The following DCC variants were observed in gnomAD, a reference collection of about 807,000 sequenced individuals.
DCC encodes DCC netrin 1 receptor, also known as netrin receptor DCC.
DCC carries 58 observed loss-of-function variants against 172.5 expected under a neutral mutation model. The observed-to-expected ratio is 0.34, with a 90% CI of 0.27 to 0.42. DCC has a LOEUF of 0.42. Among genes scored for constraint, DCC ranks in the 10% least tolerant of loss-of-function variants. The probability of loss-of-function intolerance (pLI) is 1.00; values close to 1 mark genes in which losing one functional copy is unlikely to be tolerated. For missense variants in DCC, 1,740 were observed against 1,791.0 expected (o/e 0.97, Z 0.51); for synonymous variants, 709 against 644.5 (o/e 1.10, Z -1.52).
intron 2 of DCC, among the ~76,000 whole-genome samples, chr18:52,785,169 CA>C (rs1445998796): frequency 2.0e-5 from 3 of 151,998 alleles, no homozygotes; most frequent in Admixed American, 6.6e-5. Context: ...TGTTGATTGA[CA>C]CCAGTAAGAT....
At chr18:52,350,109 T>C (rs1984052454) in intron 1 of DCC, among the ~76,000 whole-genome samples, 1 of 152,180 alleles carries the variant, frequency 6.6e-6, no homozygotes, top group South Asian at 2.1e-4. Flanking sequence ...AGTATTTCAT[T>C]GAAGATAGTA....
At chr18:52,698,826 G>C (rs990516583) in intron 1 of DCC, among the ~76,000 whole-genome samples, 4 of 147,998 alleles carry the variant, frequency 2.7e-5, no homozygotes, top group African/African-American at 1.0e-4. Context: ...GGCCAGGCTA[G>C]TCTCAAACTC....
At chr18:52,361,672 GC>G (rs1598861654) in intron 1 of DCC, among the ~76,000 whole-genome samples, 1 of 152,150 alleles carries the variant, frequency 6.6e-6, no homozygotes, top group East Asian at 1.9e-4. Flanking sequence ...AGAAACTCAG[GC>G]TTCATCCAAA....
At chr18:53,484,307 G>C (rs1216611868) in intron 25 of DCC, among the ~76,000 whole-genome samples, 6 of 151,424 alleles carry the variant, frequency 4.0e-5, no homozygotes, top group Non-Finnish European at 8.9e-5. Flanking sequence ...AAATTTATCA[G>C]CAATTTTAAA....
chr18:52,930,039 G>A (rs890549819), intron 5 of DCC, among the ~76,000 whole-genome samples: 4 of 151,846 alleles, frequency 2.6e-5, no homozygotes, highest in Non-Finnish European at 4.4e-5. Context: ...CCTTGAGTTC[G>A]TGGTGTCAGA....
At chr18:53,510,941 C>T (rs1025351595) in intron 27 of DCC, among the ~76,000 whole-genome samples, 4 of 152,164 alleles carry the variant, frequency 2.6e-5, no homozygotes, top group African/African-American at 7.2e-5. Context: ...CAAAGCCTAC[C>T]TTGTAGAATT....
At position 53,362,667 on chromosome 18, in the gene DCC, G is replaced by T. The variant is rs192998290; in HGVS notation, c.2359+22760G>T. 1.9e-3 allele frequency among the ~76,000 whole-genome samples: 291 copies of T among 152,068 alleles called. 2 individuals carry two copies. Among genetic ancestry groups the T allele is most frequent in the Non-Finnish European group, 2.6e-3 (179 of 67,990 alleles). On this transcript the variant is annotated intron_variant, in intron 15 of 28. Coordinates refer to ENST00000442544, the MANE Select transcript of DCC (RefSeq NM_005215.4). Reference sequence around the variant, plus strand: ...TTTTTTTTTCTTCTTTTCTGAATAGGCTATCATCATCAACATTTTAAACTG... The same window carrying T: ...TTTTTTTTTCTTCTTTTCTGAATAGTCTATCATCATCAACATTTTAAACTG...
chr18:53,529,046 A>T lies in DCC; in HGVS notation c.4255-1518A>T, dbSNP rs962132767. On this transcript the variant is annotated intron_variant, in intron 28 of 28. Coordinates refer to ENST00000442544, the MANE Select transcript of DCC (RefSeq NM_005215.4). ...CTCTCTCTCTCTCTCTCTCACACAC[A>T]CACACACACACACACACACACACAC... Among the ~76,000 whole-genome samples the T allele has an allele frequency of 5.8e-3, 574 of 99,798 alleles. 2 individuals carry two copies. Among genetic ancestry groups the T allele is most frequent in the Middle Eastern group, 0.022 (4 of 186 alleles). The allele number at this position is 99,798 out of a possible 152,430, so 65.5% of individuals were successfully genotyped here.
At chr18:52,501,175 C>G (rs1307457161) in intron 1 of DCC, among the ~76,000 whole-genome samples, 2 of 152,194 alleles carry the variant, frequency 1.3e-5, no homozygotes, top group Middle Eastern at 3.4e-3. Context: ...TTCTGTACAG[C>G]CAAGTGCATG....
intron 7 of DCC, among the ~76,000 whole-genome samples, chr18:53,155,162 GATA>G (rs1279418836): frequency 1.3e-5 from 2 of 151,090 alleles, no homozygotes; most frequent in East Asian, 3.9e-4. Flanking sequence ...ATTGTATATC[GATA>G]ATGTTTCTGG....
chr18:53,397,218 T>G, intron 17 of DCC, 90 bp from the exon 18 acceptor site: 1 of 1,253,062 alleles, frequency 8.0e-7, no homozygotes, highest in South Asian at 1.2e-5. Context: ...TACTTTTGTG[T>G]TAGCTTATTT....
At position 52,957,937 on chromosome 18, in the gene DCC, C is replaced by A. The variant is rs1361298938; in HGVS notation, c.985+32567C>A. ...CAGATGAGCATTTTACATGACTGTG[C>A]CTGCTTTAGCACAGATTGGGAGAAG... On this transcript the variant is annotated intron_variant, in intron 5 of 28. Transcript: ENST00000442544. Among the ~76,000 whole-genome samples, 4 of 152,226 alleles carry A rather than the reference C, an allele frequency of 2.6e-5. No individual in the cohort carries two copies. In the East Asian group the frequency reaches 7.7e-4, roughly 29 times the overall value.
At chr18:52,883,754 C>A (rs114429977) in intron 2 of DCC, among the ~76,000 whole-genome samples, 2,620 of 151,928 alleles carry the variant, frequency 0.017, 56 homozygotes, top group African/African-American at 0.046. Context: ...ACAATTACAG[C>A]GTTATAATAT....
intron 1 of DCC, among the ~76,000 whole-genome samples, chr18:52,426,390 C>T (rs1382427856): frequency 2.0e-5 from 3 of 151,174 alleles, no homozygotes; most frequent in Non-Finnish European, 4.4e-5. Context: ...TTCCTTTTCC[C>T]TTTGTAAACT....
chr18:52,842,418 A>G (rs1451263532), intron 2 of DCC, among the ~76,000 whole-genome samples: 2 of 152,150 alleles, frequency 1.3e-5, no homozygotes, highest in Admixed American at 1.3e-4. Context: ...TTGATGTACC[A>G]ACTTGTCAGT....
At chr18:52,342,464 TG>T (rs1338855313) in intron 1 of DCC, among the ~76,000 whole-genome samples, 3 of 4,004 alleles carry the variant, frequency 7.5e-4, no homozygotes, top group South Asian at 6.8e-3. Context: ...TGGGTGGGGG[TG>T]GGGGGGTGGG....
chr18:53,515,715 TA>T (rs1290618240), intron 27 of DCC, among the ~76,000 whole-genome samples: 2 of 150,552 alleles, frequency 1.3e-5, no homozygotes, highest in African/African-American at 4.9e-5. Flanking sequence ...TCAAAGAGAA[TA>T]AAATACCCAG....
At chr18:53,452,378 G>T (rs1179544593) in intron 23 of DCC, among the ~76,000 whole-genome samples, 1 of 151,992 alleles carries the variant, frequency 6.6e-6, no homozygotes, top group Non-Finnish European at 1.5e-5. Context: ...TTTTGATTTG[G>T]GTTCCCCCCC....
intron 12 of DCC, among the ~76,000 whole-genome samples, chr18:53,217,517 C>T (rs908620871): frequency 1.3e-5 from 2 of 152,106 alleles, no homozygotes; most frequent in African/African-American, 4.8e-5. Context: ...CACTCCCTCT[C>T]TCCTTTTTCT....
Sources: gnomAD v4.1 joint callset for allele counts (sites outside exome capture counted in the v4.1 genomes callset) on GRCh38, gnomAD v4.1.1 for gene constraint, MANE v1.5 for transcripts, NCBI Gene and HGNC (gene_info 2026-07-23, HGNC 2026-07-21) for gene names.